The following ADAMTSL1 variants were observed in gnomAD, a reference collection of about 807,000 sequenced individuals.
ADAMTSL1 encodes the protein ADAMTS-like protein 1.
ADAMTSL1 carries 126 observed loss-of-function variants against 201.8 expected under a neutral mutation model. The ratio of observed to expected loss-of-function variants is 0.62; its 90% CI spans 0.54 to 0.72. The LOEUF (loss-of-function observed/expected upper bound fraction) is 0.72, where lower values mean the gene tolerates loss of function less well. Ranked by LOEUF, ADAMTSL1 falls within the 30% of genes least tolerant of loss-of-function variation. The probability of loss-of-function intolerance (pLI) is 0.00; values close to 1 mark genes in which losing one functional copy is unlikely to be tolerated. For synonymous variants in ADAMTSL1, 1,121 were observed against 903.4 expected (o/e 1.24, Z -4.32); for missense variants, 2,679 against 2,277.8 (o/e 1.18, Z -3.59).
At chr9:18,495,750 G>GT (rs1391139500) in intron 1 of ADAMTSL1, among the ~76,000 whole-genome samples, 2 of 151,798 alleles carry the variant, frequency 1.3e-5, no homozygotes, top group African/African-American at 4.8e-5. Flanking sequence ...TCATCTCCTA[G>GT]TGTGTGTGTG....
chr9:18,403,461 G>T (rs1445192109), intron 2 of ADAMTSL1, among the ~76,000 whole-genome samples: 2 of 152,136 alleles, frequency 1.3e-5, no homozygotes, highest in Non-Finnish European at 2.9e-5. Context: ...TGGGATTACA[G>T]GCATAAGCCA....
At chr9:18,347,728 C>T (rs561219249) in intron 2 of ADAMTSL1, among the ~76,000 whole-genome samples, 3 of 152,228 alleles carry the variant, frequency 2.0e-5, no homozygotes, top group Admixed American at 1.3e-4. Context: ...TTTGCTCATG[C>T]CATTTATCAC....
intron 23 of ADAMTSL1, among the ~76,000 whole-genome samples, chr9:18,839,050 A>G (rs574951781): frequency 7.0e-6 from 1 of 143,042 alleles, no homozygotes; most frequent in East Asian, 2.0e-4. Flanking sequence ...TATTATTATT[A>G]TACTTTAAGT....
chr9:18,139,545 C>T (rs1274353352), intron 1 of ADAMTSL1, among the ~76,000 whole-genome samples: 1 of 152,086 alleles, frequency 6.6e-6, no homozygotes, highest in South Asian at 2.1e-4. Context: ...AGTTTTAATA[C>T]CTCTAGATGG....
chr9:18,518,871 C>G lies in ADAMTSL1; in HGVS notation c.191+13915C>G, dbSNP rs967084664. Among the ~76,000 whole-genome samples the G allele has an allele frequency of 3.9e-5, 6 of 152,104 alleles. 1 individual carries two copies. The East Asian group carries it at 1.2e-3, about 29-fold the overall frequency. On this transcript the variant is annotated intron_variant, in intron 2 of 28. Coordinates refer to ENST00000380548, the MANE Select transcript of ADAMTSL1 (RefSeq NM_001040272.6). The stretch of plus-strand genomic sequence containing the variant: ...TACAGGCATGCGCCATGATACCTGG[C>G]TAATTTTTGTATTTTTAGTAGAGAC...
In ADAMTSL1 at chr9:18,058,248, C is replaced by T. The variant is rs550201548; in HGVS notation, c.88-105614C>T. 2.0e-5 allele frequency among the ~76,000 whole-genome samples: 3 copies of T among 152,256 alleles called. No homozygotes were observed. In the South Asian group the frequency reaches 6.2e-4, roughly 32 times the overall value. ...GTCAAGTCAGCTTATTTTATAAGAT[C>T]AAGAGATAAATCTCCTCATCCCTAG... On this transcript the variant is annotated intron_variant, in intron 1 of 29. Coordinates refer to the ADAMTSL1 transcript ENST00000680146.
At chr9:18,835,338 T>C (rs1419852737) in intron 23 of ADAMTSL1, among the ~76,000 whole-genome samples, 3 of 152,130 alleles carry the variant, frequency 2.0e-5, no homozygotes, top group Non-Finnish European at 1.5e-5. Flanking sequence ...TATCAAATTT[T>C]CAGTGTTTTA....
intron 23 of ADAMTSL1, among the ~76,000 whole-genome samples, chr9:18,839,513 T>C (rs975036902): frequency 3.3e-5 from 5 of 152,184 alleles, no homozygotes; most frequent in African/African-American, 1.2e-4. Flanking sequence ...TGTGTCTTTA[T>C]AGCAGCATGA....
intron 1 of ADAMTSL1, among the ~76,000 whole-genome samples, chr9:18,161,840 A>G (rs1466685063): frequency 2.0e-5 from 3 of 152,068 alleles, no homozygotes; most frequent in Non-Finnish European, 4.4e-5. Flanking sequence ...TAGGTTAGCC[A>G]GAAGGCTACA....
chr9:18,449,710 A>G (rs1820331308), intron 2 of ADAMTSL1, among the ~76,000 whole-genome samples: 1 of 152,200 alleles, frequency 6.6e-6, no homozygotes, highest in Non-Finnish European at 1.5e-5. Flanking sequence ...TAAAAATTAG[A>G]CAGAAGATCT....
At chr9:18,543,535 G>A (rs1820288317) in intron 3 of ADAMTSL1, among the ~76,000 whole-genome samples, 1 of 152,152 alleles carries the variant, frequency 6.6e-6, no homozygotes. Context: ...AGCATGCCAT[G>A]TGGACAACTG....
At chr9:18,231,747 C>A (rs1401015964) in intron 2 of ADAMTSL1, among the ~76,000 whole-genome samples, 1 of 152,202 alleles carries the variant, frequency 6.6e-6, no homozygotes, top group South Asian at 2.1e-4. Flanking sequence ...AACTCTGGAT[C>A]TTCTCCCCAT....
chr9:17,959,647 A>G (rs911236537), intron 1 of ADAMTSL1, among the ~76,000 whole-genome samples: 2 of 151,964 alleles, frequency 1.3e-5, no homozygotes, highest in African/African-American at 4.8e-5. Context: ...TAGTAGAGAC[A>G]GTGTTTCACC....
intron 2 of ADAMTSL1, among the ~76,000 whole-genome samples, chr9:18,414,500 C>A (rs909828933): frequency 6.6e-6 from 1 of 152,014 alleles, no homozygotes; most frequent in Admixed American, 6.5e-5. Flanking sequence ...AAAAAACAAA[C>A]AAAAATGTGT....
chr9:17,990,193 A>G (rs1389932465), intron 1 of ADAMTSL1, among the ~76,000 whole-genome samples: 1 of 152,044 alleles, frequency 6.6e-6, no homozygotes, highest in Non-Finnish European at 1.5e-5. Context: ...CTCACATGGC[A>G]CAGAGATGTT....
chr9:18,819,330 C>A (rs1437588109), intron 21 of ADAMTSL1, among the ~76,000 whole-genome samples: 1 of 152,004 alleles, frequency 6.6e-6, no homozygotes, highest in Non-Finnish European at 1.5e-5. Flanking sequence ...GTGGCAAGTG[C>A]CTGTAATCAC....
intron 1 of ADAMTSL1, among the ~76,000 whole-genome samples, chr9:18,095,376 A>G (rs1003314520): frequency 6.7e-6 from 1 of 149,216 alleles, no homozygotes; most frequent in African/African-American, 2.5e-5. Flanking sequence ...CATCAATTTG[A>G]CACGTTTTTA....
intron 1 of ADAMTSL1, among the ~76,000 whole-genome samples, chr9:18,068,383 T>A (rs543263082): frequency 3.8e-4 from 58 of 152,290 alleles, no homozygotes; most frequent in African/African-American, 1.3e-3. Context: ...GCATTTACCT[T>A]GAATTAGGTA....
intron 23 of ADAMTSL1, among the ~76,000 whole-genome samples, chr9:18,848,556 T>G (rs1258301656): frequency 6.6e-6 from 1 of 152,016 alleles, no homozygotes; most frequent in South Asian, 2.1e-4. Context: ...TGGAATACCC[T>G]CCCCTACCCC....
Sources: gnomAD v4.1 joint callset for allele counts (sites outside exome capture counted in the v4.1 genomes callset) on GRCh38, gnomAD v4.1.1 for gene constraint, MANE v1.5 for transcripts, NCBI Gene and HGNC (gene_info 2026-07-23, HGNC 2026-07-21) for gene names.